Variants in CSMD1 observed in about 807,000 individuals in gnomAD.
CSMD1 encodes CUB and sushi domain-containing protein 1.
Under a neutral mutation model 417.5 loss-of-function variants are expected in CSMD1, and 213 were observed. That is an observed-to-expected ratio of 0.51 (90% CI 0.46 to 0.57). The LOEUF is 0.57. CSMD1 is among the 20% of genes least tolerant of loss of function. CSMD1 has a pLI of 0.00. For synonymous variants in CSMD1, 2,862 were observed against 1,736.8 expected (o/e 1.65, Z -16.11); for missense variants, 6,923 against 4,529.7 (o/e 1.53, Z -15.17).
intron 1 of CSMD1, among the ~76,000 whole-genome samples, chr8:4,683,546 C>A (rs1806176176): frequency 6.6e-6 from 1 of 152,128 alleles, no homozygotes; most frequent in South Asian, 2.1e-4. Flanking sequence ...TAAATTAGCA[C>A]CTAGAGGCAC....
At position 4,845,952 on chromosome 8, in the gene CSMD1, A is replaced by G. The variant is rs141288650; in HGVS notation, c.85+148380T>C. 8.1e-3 allele frequency among the ~76,000 whole-genome samples: 1,236 copies of G among 152,346 alleles called. 13 individuals are homozygous for G. The highest frequency in any genetic ancestry group is 0.027 in the African/African-American group (1,139 of 41,578). On this transcript the variant is annotated intron_variant, in intron 1 of 69. Transcript: ENST00000635120. ...CTTTGCCTATTTTGCATACACTTAC[A>G]AAAGAATAGAGAATCGGCTATAAAT... is the stretch of plus-strand genomic sequence containing the variant.
chr8:3,871,938 C>T (rs1805508534), intron 5 of CSMD1, among the ~76,000 whole-genome samples: 1 of 152,164 alleles, frequency 6.6e-6, no homozygotes, highest in African/African-American at 2.4e-5. Context: ...TTCTGAAAAA[C>T]ACAGCCTAAG....
chr8:3,801,724 G>A (rs992842015), intron 5 of CSMD1, among the ~76,000 whole-genome samples: 2 of 152,078 alleles, frequency 1.3e-5, no homozygotes, highest in South Asian at 2.1e-4. Flanking sequence ...AACAATTCAA[G>A]CATTCACCAA....
At chr8:4,444,435 G>A (rs1051513105) in intron 2 of CSMD1, among the ~76,000 whole-genome samples, 2 of 142,366 alleles carry the variant, frequency 1.4e-5, no homozygotes, top group Non-Finnish European at 3.0e-5. Context: ...ACAACTTTTA[G>A]ATCAACAGCA....
intron 1 of CSMD1, among the ~76,000 whole-genome samples, chr8:4,645,030 T>A (rs1203827882): frequency 6.6e-6 from 1 of 152,194 alleles, no homozygotes; most frequent in Non-Finnish European, 1.5e-5. Flanking sequence ...AGTGATTACT[T>A]AAAACATTAG....
At chr8:3,204,461 T>A (rs1410822870) in intron 31 of CSMD1, among the ~76,000 whole-genome samples, 2 of 152,256 alleles carry the variant, frequency 1.3e-5, no homozygotes, top group African/African-American at 4.8e-5. Flanking sequence ...TGAGGGACTT[T>A]AAAGAATTTG....
At chr8:3,254,672 A>C (rs921570329) in intron 26 of CSMD1, among the ~76,000 whole-genome samples, 1 of 152,096 alleles carries the variant, frequency 6.6e-6, no homozygotes, top group African/African-American at 2.4e-5. Flanking sequence ...TTGGCTATTG[A>C]GACTTGTGCA....
intron 5 of CSMD1, among the ~76,000 whole-genome samples, chr8:3,820,339 A>G (rs1801658976): frequency 6.6e-6 from 1 of 152,098 alleles, no homozygotes; most frequent in Admixed American, 6.5e-5. Context: ...TCTTAGATAT[A>G]TGGTGTTTGA....
chr8:3,674,345 G>A (rs1312608409), intron 7 of CSMD1, among the ~76,000 whole-genome samples: 1 of 152,006 alleles, frequency 6.6e-6, no homozygotes, highest in African/African-American at 2.4e-5. Context: ...CCTATAATCT[G>A]AAGATTAACA....
intron 1 of CSMD1, among the ~76,000 whole-genome samples, chr8:4,739,040 G>C (rs1810430492): frequency 6.7e-6 from 1 of 148,662 alleles, no homozygotes; most frequent in Admixed American, 6.6e-5. Context: ...AATGTAGTGT[G>C]AGTAACTGAT....
chr8:4,105,067 A>T (rs1242363137), intron 3 of CSMD1, among the ~76,000 whole-genome samples: 1 of 152,224 alleles, frequency 6.6e-6, no homozygotes, highest in Non-Finnish European at 1.5e-5. Flanking sequence ...GGCAGCAATG[A>T]AATTTAAAGT....
intron 3 of CSMD1, among the ~76,000 whole-genome samples, chr8:4,390,654 C>G (rs1444886007): frequency 6.6e-6 from 1 of 152,024 alleles, no homozygotes; most frequent in Non-Finnish European, 1.5e-5. Flanking sequence ...GCTGGGACGA[C>G]AGGCACCCCC....
intron 3 of CSMD1, among the ~76,000 whole-genome samples, chr8:4,034,312 T>A (rs1198526883): frequency 6.6e-6 from 1 of 152,196 alleles, no homozygotes; most frequent in Non-Finnish European, 1.5e-5. Flanking sequence ...GTTTATGAGA[T>A]CTCTATTTAC....
chr8:3,056,124 C>T (rs1381101076), intron 49 of CSMD1, among the ~76,000 whole-genome samples: 1 of 152,192 alleles, frequency 6.6e-6, no homozygotes, highest in East Asian at 1.9e-4. Context: ...CAAGGATTAA[C>T]TCTCTGTTAT....
At chr8:4,138,854 A>T (rs1039958366) in intron 3 of CSMD1, among the ~76,000 whole-genome samples, 8 of 152,198 alleles carry the variant, frequency 5.3e-5, no homozygotes, top group Non-Finnish European at 1.0e-4. Context: ...AAGTTAATAT[A>T]TTGTGAATTA....
Position 3,000,146 on chromosome 8 carries a change from C to G in CSMD1, c.8030-15G>C, listed in dbSNP as rs769098990. On this transcript the variant is annotated splice_polypyrimidine_tract_variant and intron_variant, in intron 52 of 69. Transcript: ENST00000635120. ...GCAGTGGCCAGCTAAAAATGTTAAA[C>G]CAATTTTAAAATTTAGAGTGTCTGT... 2 of 1,511,906 alleles carry G rather than the reference C, an allele frequency of 1.3e-6. No individual in the cohort carries two copies. The highest frequency in any genetic ancestry group is 2.7e-5 in the South Asian group (2 of 74,342). The allele number at this position is 1,511,906 out of a possible 1,614,324, so 93.7% of individuals were successfully genotyped here.
chr8:3,624,505 G>C (rs1796401576), intron 7 of CSMD1, among the ~76,000 whole-genome samples: 1 of 152,106 alleles, frequency 6.6e-6, no homozygotes, highest in Non-Finnish European at 1.5e-5. Context: ...TTTCATTGTT[G>C]GTACTTGTTT....
intron 3 of CSMD1, among the ~76,000 whole-genome samples, chr8:4,142,055 A>ACT (rs1554467508): frequency 6.6e-6 from 1 of 150,978 alleles, no homozygotes; most frequent in Non-Finnish European, 1.5e-5. Context: ...GTTTGAATAT[A>ACT]TAAGTTGAAA....
At chr8:4,835,066 A>T (rs537759166) in intron 1 of CSMD1, among the ~76,000 whole-genome samples, 2 of 151,282 alleles carry the variant, frequency 1.3e-5, no homozygotes, top group South Asian at 4.2e-4. Context: ...ATAACAAACA[A>T]AAGCGTTTCT....
Sources: allele counts gnomAD v4.1 joint callset (sites outside exome capture counted in the v4.1 genomes callset), GRCh38; gene constraint gnomAD v4.1.1; transcripts MANE v1.5; gene names NCBI Gene and HGNC (gene_info 2026-07-23, HGNC 2026-07-21).